RPS6KC1: variants seen among roughly 807,000 people sequenced by gnomAD.
The protein encoded by RPS6KC1 is inactive ribosomal protein S6 kinase delta-1.
Under a neutral mutation model 103.8 loss-of-function variants are expected in RPS6KC1, and 54 were observed. That is an observed-to-expected ratio of 0.52 (90% CI 0.42 to 0.65). The LOEUF is 0.65. RPS6KC1 is among the 30% of genes least tolerant of loss of function. The pLI is 0.00. For synonymous variants in RPS6KC1, 439 were observed against 438.7 expected (o/e 1.00, Z -0.01); for missense variants, 1,151 against 1,253.8 (o/e 0.92, Z 1.24).
chr1:213,303,303 G>GTA, the RPS6KC1 span, among the ~76,000 whole-genome samples: 1 of 152,234 alleles, frequency 6.6e-6, no homozygotes, highest in Non-Finnish European at 1.5e-5. Flanking sequence ...GGAAGCCTCG[G>GTA]TTGTGAAAGC....
the RPS6KC1 span, among the ~76,000 whole-genome samples, chr1:213,585,193 G>C: frequency 6.6e-6 from 1 of 152,156 alleles, no homozygotes; most frequent in Non-Finnish European, 1.5e-5. Context: ...CTGGCATATA[G>C]CTAGCGCTCA....
At chr1:213,085,972 A>G (rs1298847775) in intron 3 of RPS6KC1, among the ~76,000 whole-genome samples, 1 of 151,832 alleles carries the variant, frequency 6.6e-6, no homozygotes, top group African/African-American at 2.4e-5. Flanking sequence ...CAAGATGTTC[A>G]GTGCTCATCT....
chr1:213,584,234 C>G, the RPS6KC1 span, among the ~76,000 whole-genome samples: 4 of 152,186 alleles, frequency 2.6e-5, no homozygotes, highest in Non-Finnish European at 2.9e-5. Flanking sequence ...ACTGTGAGTC[C>G]TTTAAACCTC....
At chr1:213,647,471 C>T in the RPS6KC1 span, among the ~76,000 whole-genome samples, 1 of 152,080 alleles carries the variant, frequency 6.6e-6, no homozygotes, top group Non-Finnish European at 1.5e-5. Flanking sequence ...GCAGAAGGGA[C>T]CCTTAGACAG....
chr1:213,823,230 C>T, the RPS6KC1 span, among the ~76,000 whole-genome samples: 2 of 152,268 alleles, frequency 1.3e-5, no homozygotes, highest in African/African-American at 4.8e-5. Context: ...CTTCATCCTA[C>T]CTTCTTTAAT....
At chr1:213,303,342 AT>A in the RPS6KC1 span, among the ~76,000 whole-genome samples, 1 of 152,176 alleles carries the variant, frequency 6.6e-6, no homozygotes, top group East Asian at 1.9e-4. Flanking sequence ...TCATCGTAGG[AT>A]TTTCCCATCT....
chr1:213,443,406 G>T, the RPS6KC1 span, among the ~76,000 whole-genome samples: 2 of 152,198 alleles, frequency 1.3e-5, no homozygotes, highest in Non-Finnish European at 2.9e-5. Flanking sequence ...GTTGTACAGT[G>T]TACAACCTGC....
At chr1:213,305,150 T>C in the RPS6KC1 span, among the ~76,000 whole-genome samples, 1 of 152,258 alleles carries the variant, frequency 6.6e-6, no homozygotes, top group South Asian at 2.1e-4. Flanking sequence ...ACTGGCGCCA[T>C]CTCAGCTCAC....
intron 5 of RPS6KC1, among the ~76,000 whole-genome samples, chr1:213,124,435 C>G (rs569828668): frequency 6.6e-6 from 1 of 152,222 alleles, no homozygotes; most frequent in South Asian, 2.1e-4. Flanking sequence ...CTGTCACTTG[C>G]TTGTTGCTCC....
At chr1:213,554,628 C>A in the RPS6KC1 span, among the ~76,000 whole-genome samples, 1 of 152,164 alleles carries the variant, frequency 6.6e-6, no homozygotes, top group Non-Finnish European at 1.5e-5. Flanking sequence ...TTTTTTCTAT[C>A]TCCATGTTGC....
chr1:213,792,726 A>G, the RPS6KC1 span, among the ~76,000 whole-genome samples: 1 of 152,214 alleles, frequency 6.6e-6, no homozygotes, highest in Non-Finnish European at 1.5e-5. Flanking sequence ...TCCAGAGTTA[A>G]TACTGTAAAG....
At chr1:213,412,549 C>A in the RPS6KC1 span, among the ~76,000 whole-genome samples, 1 of 152,236 alleles carries the variant, frequency 6.6e-6, no homozygotes, top group African/African-American at 2.4e-5. Context: ...GCTTTCCCTT[C>A]AGAAGCTGTA....
the RPS6KC1 span, among the ~76,000 whole-genome samples, chr1:213,419,861 A>G: frequency 1.3e-5 from 2 of 152,106 alleles, no homozygotes; most frequent in Non-Finnish European, 1.5e-5. Flanking sequence ...TGTCCTTGGC[A>G]CCCCTGCACA....
the RPS6KC1 span, among the ~76,000 whole-genome samples, chr1:213,692,515 G>T: frequency 6.6e-6 from 1 of 152,282 alleles, no homozygotes; most frequent in South Asian, 2.1e-4. Flanking sequence ...GGTGTTATAT[G>T]TTGGAATGCT....
At chr1:213,590,877 C>T in the RPS6KC1 span, among the ~76,000 whole-genome samples, 1 of 152,174 alleles carries the variant, frequency 6.6e-6, no homozygotes, top group Non-Finnish European at 1.5e-5. Flanking sequence ...CTTTATATAT[C>T]TCCTGGCAGT....
intron 8 of RPS6KC1, among the ~76,000 whole-genome samples, chr1:213,198,601 G>GAGGA (rs1245448165): frequency 6.6e-6 from 1 of 152,162 alleles, no homozygotes; most frequent in Admixed American, 6.5e-5. Context: ...GAGTAGGAGG[G>GAGGA]AGGAAGGAAG....
chr1:213,454,607 C>G, the RPS6KC1 span, among the ~76,000 whole-genome samples: 1 of 152,140 alleles, frequency 6.6e-6, no homozygotes, highest in Non-Finnish European at 1.5e-5. Flanking sequence ...TTTTCTAATT[C>G]TTTTCCTTTT....
the RPS6KC1 span, among the ~76,000 whole-genome samples, chr1:213,815,226 A>T: frequency 6.6e-6 from 1 of 152,160 alleles, no homozygotes; most frequent in Non-Finnish European, 1.5e-5. Flanking sequence ...CCATGATTGT[A>T]AGCTTCCTGA....
At chr1:213,145,105 T>G (rs1303754975) in intron 6 of RPS6KC1, among the ~76,000 whole-genome samples, 8 of 152,098 alleles carry the variant, frequency 5.3e-5, no homozygotes, top group Non-Finnish European at 1.0e-4. Context: ...CTGACCAAGA[T>G]AGGTAACAGT....
Sources: gnomAD v4.1 joint callset for allele counts (sites outside exome capture counted in the v4.1 genomes callset) on GRCh38, gnomAD v4.1.1 for gene constraint, MANE v1.5 for transcripts, NCBI Gene and HGNC (gene_info 2026-07-23, HGNC 2026-07-21) for gene names.